Variants in CARF observed in about 807,000 individuals in gnomAD.
CARF encodes calcium-responsive transcription factor.
Under a neutral mutation model 82.0 loss-of-function variants are expected in CARF, and 57 were observed. That is an observed-to-expected ratio of 0.70 (90% CI 0.56 to 0.87). CARF has a LOEUF of 0.87. Among genes scored for constraint, CARF ranks in the 40% least tolerant of loss-of-function variants. CARF has a pLI of 0.00. For missense variants in CARF, 771 were observed against 855.8 expected (o/e 0.90, Z 1.24); for synonymous variants, 268 against 290.1 (o/e 0.92, Z 0.77).
intron 8 of CARF, among the ~76,000 whole-genome samples, chr2:202,960,566 A>G (rs1053143974): frequency 6.6e-6 from 1 of 152,186 alleles, no homozygotes; most frequent in Non-Finnish European, 1.5e-5. Context: ...AAGGATCTTC[A>G]TAAAAAGAAT....
chr2:202,923,901 G>T (rs1240456838), intron 2 of CARF, among the ~76,000 whole-genome samples: 10 of 152,220 alleles, frequency 6.6e-5, no homozygotes, highest in African/African-American at 2.4e-4. Context: ...AACAGATGGT[G>T]CTGGGATAAT....
chr2:202,927,647 G>A (rs1391611075), intron 3 of CARF, among the ~76,000 whole-genome samples: 2 of 152,002 alleles, frequency 1.3e-5, no homozygotes, highest in Non-Finnish European at 2.9e-5. Flanking sequence ...AGGATAGTTA[G>A]CATATTCATC....
Position 202,955,711 on chromosome 2 carries a change from C to T in CARF, c.595C>T (p.Leu199Phe). The change falls in exon 8 of 17, where the codon CTT (leucine) becomes TTT (phenylalanine). Residue 199 changes from leucine to phenylalanine, a missense_variant. Coordinates refer to ENST00000438828, the MANE Select transcript of CARF (RefSeq NM_024744.17). ...ACCCCTTCTGGGGCCTCTTCAGCCA[C>T]TTTCTTCTAATACACCTATATGGGC... The part of the protein sequence containing the change: ...EEPLLGPLQP[L>F]SSNTPIWACR... 6.2e-7 allele frequency: 1 copy of T among 1,612,186 alleles called. No homozygotes were observed. The highest frequency in any genetic ancestry group is 1.3e-5 in the African/African-American group (1 of 74,988).
intron 16 of CARF, among the ~76,000 whole-genome samples, chr2:202,982,853 C>T (rs974931334): frequency 4.6e-5 from 7 of 152,010 alleles, no homozygotes; most frequent in African/African-American, 7.2e-5. Context: ...AAGAAGTAGG[C>T]ATATATGAAG....
Position 202,986,871 on chromosome 2 carries a change from T to TATATATATATATATAC in CARF, c.*3262_*3263insCATATATATATATATA, listed in dbSNP as rs1220787477. 164 of 41,452 alleles carry TATATATATATATATAC rather than the reference T, an allele frequency of 4.0e-3. 3 individuals are homozygous for TATATATATATATATAC. The highest frequency in any genetic ancestry group is 0.013 in the African/African-American group (151 of 11,226). 2.6% of individuals were successfully genotyped at this position (41,452 alleles called of 1,614,324 possible). On this transcript the variant is annotated 3_prime_UTR_variant, in exon 17 of 17. Coordinates refer to ENST00000438828, the MANE Select transcript of CARF (RefSeq NM_024744.17). The stretch of plus-strand genomic sequence containing the variant: ...GAGGTTTAAAAAATGTCTGTGCGTA[T>TATATATATATATATAC]ATATATATATATATATATATATATA...
chr2:202,985,861 G>A lies in CARF; in HGVS notation c.*2237G>A, dbSNP rs1000791372. The A allele has an allele frequency of 1.2e-4, 18 of 152,222 alleles. No individual in the cohort carries two copies. Among genetic ancestry groups the A allele is most frequent in the African/African-American group, 4.3e-4 (18 of 41,570 alleles). The allele number at this position is 152,222 out of a possible 1,614,324, so 9.4% of individuals were successfully genotyped here. A position where few individuals can be genotyped will look rare whatever the true frequency, so the allele number is the denominator to read the frequency against. ...GTTGATTTGCAAAGGAGAAATGCTT[G>A]TTAATATACAAACTCTAGTCAGTTA... On this transcript the variant is annotated 3_prime_UTR_variant, in exon 17 of 17. Coordinates refer to ENST00000438828, the MANE Select transcript of CARF (RefSeq NM_024744.17).
intron 6 of CARF, among the ~76,000 whole-genome samples, chr2:202,953,320 A>G (rs745788017): frequency 7.3e-5 from 11 of 151,578 alleles, no homozygotes; most frequent in Admixed American, 6.6e-4. Flanking sequence ...CCAGCCATTT[A>G]TATCTTTATC....
chr2:202,974,331 C>T lies in CARF; in HGVS notation c.1332-3C>T, dbSNP rs776848868. 4 of 1,573,194 alleles carry T rather than the reference C, an allele frequency of 2.5e-6. No individual in the cohort carries two copies. The East Asian group carries it at 6.8e-5, about 27-fold the overall frequency. On this transcript the variant is annotated splice_region_variant and splice_polypyrimidine_tract_variant and intron_variant, in intron 12 of 16. Transcript: ENST00000438828. ...TCTTTATTCCATTTTGTATTCTTTA[C>T]AGAAAATTTGTGGAAAGGGAACTGT...
At chr2:202,942,715 G>A (rs1361206562) in intron 4 of CARF, 25 bp from the exon 5 acceptor site, 2 of 1,502,528 alleles carry the variant, frequency 1.3e-6, no homozygotes, top group African/African-American at 2.8e-5. Context: ...ATAGACTGAA[G>A]TGATTTTTTT....
rs1382634239 is a variant in CARF at position 202,986,903 on chromosome 2, T to TACATATATATATATATAC, written c.*3280_*3281insCATATATATATATATACA. The TACATATATATATATATAC allele has an allele frequency of 1.4e-4, 12 of 84,556 alleles. No homozygotes were observed. Among genetic ancestry groups the TACATATATATATATATAC allele is most frequent in the Admixed American group, 2.5e-4 (2 of 8,120 alleles). 5.2% of individuals were successfully genotyped at this position (84,556 alleles called of 1,614,324 possible). The stretch of plus-strand genomic sequence containing the variant: ...ATATATATATATATATATATATATA[T>TACATATATATATATATAC]ATATAGCAACTTGATGTATAGTGTC... On this transcript the variant is annotated 3_prime_UTR_variant, in exon 17 of 17. Transcript: ENST00000438828.
chr2:202,972,484 C>T (rs1180108146), intron 12 of CARF, among the ~76,000 whole-genome samples: 2 of 151,866 alleles, frequency 1.3e-5, no homozygotes, highest in African/African-American at 2.4e-5. Flanking sequence ...CGAGACCATC[C>T]TGGCCAACAT....
At chr2:202,967,407 T>C (rs1462084475) in intron 10 of CARF, among the ~76,000 whole-genome samples, 3 of 152,196 alleles carry the variant, frequency 2.0e-5, no homozygotes, top group African/African-American at 4.8e-5. Context: ...ACTTACATAG[T>C]AGTGTACCTT....
chr2:202,913,062 G>C lies in CARF; in HGVS notation c.-370G>C, dbSNP rs1206971797. 6.6e-6 allele frequency: 1 copy of C among 152,124 alleles called. No homozygotes were observed. Among genetic ancestry groups the C allele is most frequent in the Non-Finnish European group, 1.5e-5 (1 of 68,048 alleles). The allele number at this position is 152,124 out of a possible 1,614,324, so 9.4% of individuals were successfully genotyped here. A position where few individuals can be genotyped will look rare whatever the true frequency, so the allele number is the denominator to read the frequency against. On this transcript the variant is annotated 5_prime_UTR_variant, in exon 1 of 17. Coordinates refer to ENST00000438828, the MANE Select transcript of CARF (RefSeq NM_024744.17). ...TTCGCTTCAAGAGACAAGCAGTTTAGAATCAGGCAGAACTGGATTGCAAAA... is the reference window on the plus strand; with the variant it reads ...TTCGCTTCAAGAGACAAGCAGTTTACAATCAGGCAGAACTGGATTGCAAAA...
Position 202,988,041 on chromosome 2 carries a change from A to G in CARF, c.*4417A>G, listed in dbSNP as rs750969663. On this transcript the variant is annotated 3_prime_UTR_variant, in exon 17 of 17. Transcript: ENST00000438828. The stretch of plus-strand genomic sequence containing the variant: ...CTGCTTTCTTTATGATCAGTTTGCT[A>G]CAAATGAAATCACATAATATGAACC... 2.0e-5 allele frequency among the ~76,000 whole-genome samples: 3 copies of G among 152,216 alleles called. No homozygotes were observed. Among genetic ancestry groups the G allele is most frequent in the Non-Finnish European group, 4.4e-5 (3 of 68,036 alleles).
intron 14 of CARF, among the ~76,000 whole-genome samples, chr2:202,980,616 G>GTATATATC (rs2060211474): frequency 2.3e-5 from 1 of 42,664 alleles, no homozygotes; most frequent in Non-Finnish European, 4.3e-5. Flanking sequence ...CGTCTTTCAA[G>GTATATATC]TATATATATA....
chr2:202,935,563 G>C (rs910179140), intron 3 of CARF, among the ~76,000 whole-genome samples: 5 of 151,502 alleles, frequency 3.3e-5, no homozygotes, highest in Admixed American at 1.3e-4. Context: ...AGCTGGGACT[G>C]CAGGCACACA....
chr2:202,949,516 T>TTTTTTA (rs1337589852), intron 5 of CARF, among the ~76,000 whole-genome samples: 3,395 of 91,608 alleles, frequency 0.037, 90 homozygotes, highest in South Asian at 0.074. Context: ...TTGTTATTTA[T>TTTTTTA]TTATTATTAT....
rs539619505 is a variant in CARF at position 202,927,068 on chromosome 2, G to A, written c.-44+2653G>A. Among the ~76,000 whole-genome samples the A allele has an allele frequency of 2.9e-3, 438 of 152,150 alleles. 2 individuals carry two copies. The highest frequency in any genetic ancestry group is 5.6e-3 in the Non-Finnish European group (379 of 67,992). ...TGAGTTCAAGCAGTGTGCCCATCTC[G>A]GCTTCCCAAAGTGCTGGGATTACAG... On this transcript the variant is annotated intron_variant, in intron 3 of 16. Transcript: ENST00000438828.
At chr2:202,962,916 T>G (rs1208613458) in intron 9 of CARF, 1 of 152,230 alleles carries the variant, frequency 6.6e-6, no homozygotes, top group Admixed American at 6.5e-5. Context: ...ACCTCCACAC[T>G]ATATATACTT....
Sources: allele counts gnomAD v4.1 joint callset (sites outside exome capture counted in the v4.1 genomes callset), GRCh38; gene constraint gnomAD v4.1.1; transcripts MANE v1.5; gene names NCBI Gene and HGNC (gene_info 2026-07-23, HGNC 2026-07-21).